NALCN: variants seen among roughly 807,000 people sequenced by gnomAD.
NALCN encodes the protein sodium leak channel, non-selective, also known as sodium leak channel NALCN.
Under a neutral mutation model 225.3 loss-of-function variants are expected in NALCN, and 111 were observed. That is an observed-to-expected ratio of 0.49 (90% CI 0.42 to 0.58). The LOEUF is 0.58. Ranked by LOEUF, NALCN falls within the 20% of genes least tolerant of loss-of-function variation. The pLI, the probability that NALCN is intolerant of heterozygous loss-of-function variation, is 0.00. For missense variants in NALCN, 1,378 were observed against 2,202.4 expected (o/e 0.63, Z 7.49); for synonymous variants, 764 against 769.0 (o/e 0.99, Z 0.11).
chr13:101,143,950 C>T (rs1355925378), intron 16 of NALCN, among the ~76,000 whole-genome samples: 1 of 152,200 alleles, frequency 6.6e-6, no homozygotes, highest in Non-Finnish European at 1.5e-5. Flanking sequence ...CAAGTAACGT[C>T]TCTTCAAATT....
At chr13:101,312,948 T>TAACCA (rs958677038) in intron 7 of NALCN, among the ~76,000 whole-genome samples, 6 of 152,162 alleles carry the variant, frequency 3.9e-5, no homozygotes, top group African/African-American at 1.4e-4. Flanking sequence ...AAGGCTACAG[T>TAACCA]AACCAAAACA....
At position 101,229,530 on chromosome 13, in the gene NALCN, A is replaced by G; in HGVS notation, c.1489T>C (p.Tyr497His). ...TTTTTTCCAGGACCAAATATCTTGT[A>G]CACAAAGTCTTCTAATGCAGGTGAA... ...KISPALEDFV[Y>H]KIFGPGKKLG... Residue 497 changes from tyrosine to histidine, a missense_variant, in exon 13 of 44, where the codon TAC becomes CAC. This residue lies in a region of NALCN where 12 missense variants were observed against 50.5 expected (regional missense o/e 0.24). Coordinates refer to ENST00000251127, the MANE Select transcript of NALCN (RefSeq NM_052867.4). 2 of 1,611,036 alleles carry G rather than the reference A, an allele frequency of 1.2e-6. No individual in the cohort carries two copies. Among genetic ancestry groups the G allele is most frequent in the Non-Finnish European group, 1.7e-6 (2 of 1,178,820 alleles).
intron 1 of NALCN, among the ~76,000 whole-genome samples, chr13:101,414,962 G>A (rs1226609346): frequency 2.1e-5 from 3 of 143,586 alleles, no homozygotes; most frequent in Admixed American, 6.8e-5. Flanking sequence ...GTATACTACA[G>A]AAGAACGAAA....
At chr13:101,142,440 C>T (rs900063121) in intron 17 of NALCN, among the ~76,000 whole-genome samples, 10 of 151,894 alleles carry the variant, frequency 6.6e-5, no homozygotes, top group Admixed American at 1.3e-4. Context: ...TGGCACACAG[C>T]CCTTATATTA....
intron 37 of NALCN, among the ~76,000 whole-genome samples, chr13:101,070,624 A>G (rs564170493): frequency 1.8e-4 from 28 of 152,308 alleles, no homozygotes; most frequent in Middle Eastern, 3.4e-3. Context: ...AGGTAGATGC[A>G]TTGTTAATGA....
intron 40 of NALCN, among the ~76,000 whole-genome samples, chr13:101,064,383 CA>C (rs2032196812): frequency 6.6e-6 from 1 of 151,892 alleles, no homozygotes; most frequent in African/African-American, 2.4e-5. Flanking sequence ...TGTTTCCTCC[CA>C]AAAAAAGATA....
chr13:101,078,436 A>G (rs1289059314), intron 34 of NALCN, among the ~76,000 whole-genome samples: 1 of 152,176 alleles, frequency 6.6e-6, no homozygotes, highest in Non-Finnish European at 1.5e-5. Context: ...ATGGGAGCCC[A>G]CCTCTTGCAT....
intron 40 of NALCN, among the ~76,000 whole-genome samples, chr13:101,062,523 G>A (rs1390828296): frequency 6.6e-6 from 1 of 152,104 alleles, no homozygotes; most frequent in Admixed American, 6.6e-5. Flanking sequence ...ATGCTCGGCT[G>A]TGCGTCACAC....
chr13:101,096,771 T>A (rs377180484), intron 27 of NALCN, among the ~76,000 whole-genome samples: 1 of 152,216 alleles, frequency 6.6e-6, no homozygotes, highest in East Asian at 1.9e-4. Context: ...ATTAAACATC[T>A]ATAGGAAGTT....
At chr13:101,173,376 G>GT (rs2038825420) in intron 15 of NALCN, among the ~76,000 whole-genome samples, 1 of 152,128 alleles carries the variant, frequency 6.6e-6, no homozygotes, top group Admixed American at 6.5e-5. Flanking sequence ...CAGTTTAGAG[G>GT]TTAAGAGTGT....
At chr13:101,377,091 T>C in intron 4 of NALCN, 35 bp from the exon 5 acceptor site, 1 of 1,613,556 alleles carries the variant, frequency 6.2e-7, no homozygotes, top group Non-Finnish European at 8.5e-7. Flanking sequence ...GAGGTTGGAT[T>C]TTCCCTTAGC....
intron 7 of NALCN, among the ~76,000 whole-genome samples, chr13:101,294,918 T>C (rs1368847637): frequency 6.6e-6 from 1 of 152,110 alleles, no homozygotes; most frequent in African/African-American, 2.4e-5. Context: ...CAAAAGCTGG[T>C]TACAAACAAT....
intron 15 of NALCN, among the ~76,000 whole-genome samples, chr13:101,154,962 A>C (rs2037833476): frequency 6.6e-6 from 1 of 152,214 alleles, no homozygotes. Context: ...TTTAAGATCA[A>C]AAAAGAATAA....
rs189875726 is a variant in NALCN at position 101,275,133 on chromosome 13, G to C, written c.1134+8800C>G. On this transcript the variant is annotated intron_variant, in intron 10 of 43. Transcript: ENST00000251127. ...CGCCTCCTGTTTCTGATGCCCCCACGCAACTTCATTTTTTCCCAGTGCACC... is the reference window on the plus strand; with the variant it reads ...CGCCTCCTGTTTCTGATGCCCCCACCCAACTTCATTTTTTCCCAGTGCACC... 6.2e-4 allele frequency among the ~76,000 whole-genome samples: 94 copies of C among 152,178 alleles called. 2 individuals are homozygous for C. The highest frequency in any genetic ancestry group is 2.2e-3 in the African/African-American group (92 of 41,528).
At chr13:101,230,668 G>C (rs750076482) in intron 12 of NALCN, among the ~76,000 whole-genome samples, 45 of 152,160 alleles carry the variant, frequency 3.0e-4, no homozygotes, top group Non-Finnish European at 5.4e-4. Flanking sequence ...AATACGACAG[G>C]TCCTGTCCAA....
chr13:101,304,187 CTTTAAT>C (rs1468259794), intron 7 of NALCN, among the ~76,000 whole-genome samples: 4 of 151,802 alleles, frequency 2.6e-5, no homozygotes, highest in Non-Finnish European at 5.9e-5. Flanking sequence ...AGTTTTTGTA[CTTTAAT>C]TTTATTTTTA....
At chr13:101,331,010 T>C (rs1419610922) in intron 7 of NALCN, among the ~76,000 whole-genome samples, 1 of 152,200 alleles carries the variant, frequency 6.6e-6, no homozygotes, top group African/African-American at 2.4e-5. Flanking sequence ...TATGTCTTTA[T>C]TAGCAGCATG....
chr13:101,060,032 C>G, intron 41 of NALCN, 65 bp from the exon 42 acceptor site: 1 of 1,577,368 alleles, frequency 6.3e-7, no homozygotes, highest in East Asian at 2.3e-5. Context: ...CACCGCCACA[C>G]AAATCTTATT....
chr13:101,201,860 A>G (rs186407307), intron 13 of NALCN, among the ~76,000 whole-genome samples: 18 of 152,314 alleles, frequency 1.2e-4, no homozygotes, highest in African/African-American at 3.6e-4. Flanking sequence ...GTTGCTTTCA[A>G]AATAAAATCT....
Sources: allele counts gnomAD v4.1 joint callset (sites outside exome capture counted in the v4.1 genomes callset), GRCh38; gene constraint gnomAD v4.1.1; regional missense constraint gnomAD v4.1.1; transcripts MANE v1.5; gene names NCBI Gene and HGNC (gene_info 2026-07-23, HGNC 2026-07-21).